CSMD1: variants seen among roughly 807,000 people sequenced by gnomAD.
The protein encoded by CSMD1 is CUB and Sushi multiple domains 1, also known as CUB and sushi domain-containing protein 1.
In CSMD1, 213 loss-of-function variants were observed where a neutral mutation model predicts 417.5. The observed-to-expected ratio is 0.51, with a 90% confidence interval of 0.46 to 0.57. CSMD1 has a LOEUF of 0.57. CSMD1 is among the 20% of genes least tolerant of loss of function. The pLI, the probability that CSMD1 is intolerant of heterozygous loss-of-function variation, is 0.00. For missense variants in CSMD1, 6,923 were observed against 4,529.7 expected, an observed-to-expected ratio of 1.53 and a Z score of -15.17; for synonymous variants, 2,862 against 1,736.8, an observed-to-expected ratio of 1.65 and a Z score of -16.11.
chr8:3,199,334 G>A (rs1443066809), intron 33 of CSMD1, among the ~76,000 whole-genome samples: 2 of 152,056 alleles, frequency 1.3e-5, no homozygotes, highest in Non-Finnish European at 2.9e-5. Flanking sequence ...ATTGTATAAT[G>A]CATTTTAAAC....
chr8:4,134,788 C>T (rs996016103), intron 3 of CSMD1, among the ~76,000 whole-genome samples: 13 of 152,208 alleles, frequency 8.5e-5, no homozygotes, highest in Admixed American at 2.0e-4. Context: ...AACACGGCAT[C>T]ATGAGTGATT....
At chr8:4,207,421 TCAAC>T (rs1800045178) in intron 3 of CSMD1, among the ~76,000 whole-genome samples, 2 of 152,128 alleles carry the variant, frequency 1.3e-5, no homozygotes, top group South Asian at 2.1e-4. Context: ...TATTTTGTCT[TCAAC>T]CAACTATTTT....
chr8:4,638,864 C>T (rs1399184044), intron 1 of CSMD1, among the ~76,000 whole-genome samples: 1 of 152,190 alleles, frequency 6.6e-6, no homozygotes, highest in African/African-American at 2.4e-5. Context: ...TTTCATTCTG[C>T]CTCTGCCTCT....
intron 5 of CSMD1, among the ~76,000 whole-genome samples, chr8:3,755,186 A>T (rs1214301662): frequency 6.6e-6 from 1 of 152,116 alleles, no homozygotes. Context: ...CAGTGGCATA[A>T]GCATCACTGG....
At chr8:3,498,023 A>G (rs148614278) in intron 10 of CSMD1, among the ~76,000 whole-genome samples, 3,496 of 152,264 alleles carry the variant, frequency 0.023, 60 homozygotes, top group Non-Finnish European at 0.037. Context: ...CTCATCCGGG[A>G]ATAATTTTAT....
chr8:4,121,497 A>T (rs1410269967), intron 3 of CSMD1, among the ~76,000 whole-genome samples: 1 of 152,114 alleles, frequency 6.6e-6, no homozygotes, highest in Non-Finnish European at 1.5e-5. Context: ...ATTTCTCACT[A>T]TAATAATATT....
At chr8:4,251,425 G>C (rs73498592) in intron 3 of CSMD1, among the ~76,000 whole-genome samples, 1 of 152,120 alleles carries the variant, frequency 6.6e-6, no homozygotes, top group Admixed American at 6.5e-5. Flanking sequence ...GCAATAACAT[G>C]AGACAAGACC....
chr8:3,989,271 G>T (rs1045205843), intron 5 of CSMD1, among the ~76,000 whole-genome samples: 1 of 152,184 alleles, frequency 6.6e-6, no homozygotes, highest in African/African-American at 2.4e-5. Context: ...ACGTCATCAA[G>T]CTCAGAAGTC....
intron 23 of CSMD1, among the ~76,000 whole-genome samples, chr8:3,328,044 G>A (rs987322146): frequency 1.3e-5 from 2 of 152,142 alleles, no homozygotes; most frequent in African/African-American, 4.8e-5. Context: ...TACCCTGTCC[G>A]TCTAAAGCAG....
intron 3 of CSMD1, among the ~76,000 whole-genome samples, chr8:4,384,132 A>T (rs773527748): frequency 4.9e-4 from 75 of 152,290 alleles, no homozygotes; most frequent in Non-Finnish European, 1.0e-3. Context: ...AGCTTTTATC[A>T]TACTTGAGCC....
In CSMD1 at chr8:3,814,568, A is replaced by G. The variant is rs142791998; in HGVS notation, c.819-60526T>C. 4.4e-3 allele frequency among the ~76,000 whole-genome samples: 669 copies of G among 152,314 alleles called. 4 individuals are homozygous for G. The highest frequency in any genetic ancestry group is 0.016 in the African/African-American group (649 of 41,572). On this transcript the variant is annotated intron_variant, in intron 5 of 69. Transcript: ENST00000635120. ...TGGTTGTGATATCAGGGTGGATACC[A>G]CTTGCACCTAGTGGTAAGGCCATGG... is the stretch of plus-strand genomic sequence containing the variant.
chr8:4,086,717 G>T (rs936255125), intron 3 of CSMD1, among the ~76,000 whole-genome samples: 1 of 152,216 alleles, frequency 6.6e-6, no homozygotes, highest in East Asian at 1.9e-4. Flanking sequence ...CAGGTAGATA[G>T]ATGACATTGA....
intron 2 of CSMD1, among the ~76,000 whole-genome samples, chr8:4,518,117 A>G (rs1803223759): frequency 6.6e-6 from 1 of 152,198 alleles, no homozygotes; most frequent in South Asian, 2.1e-4. Context: ...ATTCTGAATT[A>G]CAGTATTATG....
chr8:3,863,199 C>T (rs907473802), intron 5 of CSMD1, among the ~76,000 whole-genome samples: 22 of 152,148 alleles, frequency 1.4e-4, no homozygotes, highest in Admixed American at 8.5e-4. Context: ...GAGTTTGAGA[C>T]CAGCCTGGCC....
At chr8:3,152,892 C>A (rs752533125) in intron 39 of CSMD1, among the ~76,000 whole-genome samples, 4 of 152,190 alleles carry the variant, frequency 2.6e-5, no homozygotes, top group Non-Finnish European at 5.9e-5. Flanking sequence ...TTAGCAGTAA[C>A]ACCCTTTCCC....
chr8:3,436,738 G>A (rs1015515544), intron 12 of CSMD1, among the ~76,000 whole-genome samples: 12 of 152,008 alleles, frequency 7.9e-5, no homozygotes, highest in Non-Finnish European at 1.6e-4. Context: ...TCAACACATT[G>A]GCAATGAGCA....
chr8:3,166,286 T>C (rs539112421), intron 37 of CSMD1, among the ~76,000 whole-genome samples: 80 of 152,320 alleles, frequency 5.3e-4, no homozygotes, highest in African/African-American at 1.8e-3. Context: ...ATCCAGGCAC[T>C]TTGGGAGGCC....
intron 51 of CSMD1, among the ~76,000 whole-genome samples, chr8:3,019,081 C>A (rs1360329879): frequency 6.6e-6 from 1 of 152,118 alleles, no homozygotes; most frequent in Non-Finnish European, 1.5e-5. Context: ...CCATGTCCCG[C>A]TAATTTTTGT....
intron 3 of CSMD1, among the ~76,000 whole-genome samples, chr8:4,160,683 C>A (rs1054921401): frequency 2.0e-5 from 3 of 152,224 alleles, no homozygotes; most frequent in Admixed American, 2.0e-4. Flanking sequence ...CACGCAATGT[C>A]CCACACTCCA....
Sources: gnomAD v4.1 joint callset for allele counts (sites outside exome capture counted in the v4.1 genomes callset) on GRCh38, gnomAD v4.1.1 for gene constraint, MANE v1.5 for transcripts, NCBI Gene and HGNC (gene_info 2026-07-23, HGNC 2026-07-21) for gene names.